The following NEURL1 variants were observed in gnomAD, a reference collection of about 807,000 sequenced individuals.
NEURL1 encodes the protein E3 ubiquitin-protein ligase NEURL1.
A neutral mutation model predicts 41.2 loss-of-function variants in NEURL1; 26 were observed. The observed-to-expected ratio is 0.63, with a 90% CI of 0.46 to 0.87. NEURL1 has a LOEUF of 0.87. NEURL1 is among the 40% of genes least tolerant of loss of function. The pLI, the probability that NEURL1 is intolerant of heterozygous loss-of-function variation, is 0.00. For missense variants in NEURL1, 761 were observed against 871.1 expected (o/e 0.87, Z 1.59); for synonymous variants, 400 against 402.3 (o/e 0.99, Z 0.07).
intron 1 of NEURL1, among the ~76,000 whole-genome samples, chr10:103,537,911 C>T (rs953658539): frequency 3.9e-5 from 6 of 152,076 alleles, no homozygotes; most frequent in African/African-American, 1.4e-4. Flanking sequence ...GCTGCACCCC[C>T]CGCCTCTGCC....
At chr10:103,537,358 T>C (rs1350025459) in intron 1 of NEURL1, among the ~76,000 whole-genome samples, 1 of 152,178 alleles carries the variant, frequency 6.6e-6, no homozygotes, top group Non-Finnish European at 1.5e-5. Flanking sequence ...TCTTAGTTTT[T>C]ATAGAAGTAA....
At chr10:103,560,735 G>T (rs971384211) in intron 1 of NEURL1, among the ~76,000 whole-genome samples, 43 of 152,148 alleles carry the variant, frequency 2.8e-4, no homozygotes, top group Admixed American at 4.6e-4. Flanking sequence ...GCTAGCTGGA[G>T]CCCGTGGAGG....
At chr10:103,533,806 G>A (rs1293385631) in intron 1 of NEURL1, among the ~76,000 whole-genome samples, 8 of 152,132 alleles carry the variant, frequency 5.3e-5, no homozygotes, top group Admixed American at 1.3e-4. Context: ...AAAGTGCTGG[G>A]ATTACAGGCT....
rs376977677 is a variant in NEURL1 at position 103,589,388 on chromosome 10, TCC to T, written c.1340-124_1340-123del. ...ATGATCCCCGCGCCAGCCTGCAAAA[TCC>T]CGCTCTTGGCCCTGTGGCTGGGCTG... is the stretch of plus-strand genomic sequence containing the variant. On this transcript the variant is annotated intron_variant, in intron 4 of 5. Transcript: ENST00000369780. 128 of 1,071,908 alleles carry T rather than the reference TCC, an allele frequency of 1.2e-4. 1 individual carries two copies. The East Asian group carries it at 2.1e-3, about 17-fold the overall frequency. 66.4% of individuals were successfully genotyped at this position (1,071,908 alleles called of 1,614,324 possible).
intron 3 of NEURL1, 148 bp from the exon 4 acceptor site, chr10:103,584,388 C>A: frequency 2.2e-5 from 10 of 445,594 alleles, no homozygotes; most frequent in Non-Finnish European, 2.6e-5. Flanking sequence ...CGTTTCTTGA[C>A]TGTGTTCGCT....
chr10:103,577,907 A>G (rs948965150), intron 3 of NEURL1: 3 of 152,202 alleles, frequency 2.0e-5, no homozygotes, highest in African/African-American at 7.2e-5. Flanking sequence ...ACCATATGTA[A>G]TCACCAGTAT....
chr10:103,586,771 G>A (rs781565461), intron 4 of NEURL1, among the ~76,000 whole-genome samples: 5 of 152,160 alleles, frequency 3.3e-5, no homozygotes, highest in Non-Finnish European at 7.3e-5. Context: ...TGAAAAGCCT[G>A]GGTGCGGTGG....
chr10:103,556,982 A>G lies in NEURL1; in HGVS notation c.86-13890A>G, dbSNP rs2035170596. Among the ~76,000 whole-genome samples, 1 of 152,238 alleles carries G rather than the reference A, an allele frequency of 6.6e-6. No individual in the cohort carries two copies. Among genetic ancestry groups the G allele is most frequent in the South Asian group, 2.1e-4 (1 of 4,836 alleles). ...CTCAGGACATAGTACACTGTCCTCC[A>G]GCTGCCTGGAGCACAGGCTCCCTAG... On this transcript the variant is annotated intron_variant, in intron 1 of 5. Coordinates refer to ENST00000369780, the MANE Select transcript of NEURL1 (RefSeq NM_004210.5). The surrounding 1 kb of genome is among the most constrained non-coding windows in gnomAD (Gnocchi z 4.4).
At chr10:103,549,713 C>T (rs891202544) in intron 1 of NEURL1, among the ~76,000 whole-genome samples, 2 of 152,236 alleles carry the variant, frequency 1.3e-5, no homozygotes, top group Admixed American at 1.3e-4. Flanking sequence ...GCAGGGTCAC[C>T]TCCTCTTCCT....
At chr10:103,522,602 CAAAAAA>C (rs528719693) in intron 1 of NEURL1, among the ~76,000 whole-genome samples, 1 of 106,730 alleles carries the variant, frequency 9.4e-6, no homozygotes, top group Non-Finnish European at 1.9e-5. Flanking sequence ...AACTCCATTT[CAAAAAA>C]AAAAAAAAAA....
intron 1 of NEURL1, chr10:103,494,754 A>T (rs894996152): frequency 4.7e-6 from 2 of 424,552 alleles, no homozygotes; most frequent in Non-Finnish European, 8.3e-6. Context: ...ATGGGAAAGG[A>T]TGTTTGCCAG....
intron 1 of NEURL1, among the ~76,000 whole-genome samples, chr10:103,506,847 C>T (rs897193624): frequency 3.9e-5 from 6 of 152,210 alleles, no homozygotes; most frequent in African/African-American, 7.2e-5. Flanking sequence ...AGGTGTGTGC[C>T]GCTGTGCCCG....
At chr10:103,535,371 G>A (rs2034669633) in intron 1 of NEURL1, among the ~76,000 whole-genome samples, 2 of 152,142 alleles carry the variant, frequency 1.3e-5, no homozygotes, top group South Asian at 4.1e-4. Context: ...ATTTCCCTGG[G>A]ACATGGGGTA....
At chr10:103,509,583 C>T (rs1475706699) in intron 1 of NEURL1, among the ~76,000 whole-genome samples, 4 of 152,170 alleles carry the variant, frequency 2.6e-5, no homozygotes, top group Admixed American at 1.3e-4. Flanking sequence ...TTTTCAGCTC[C>T]GTCATAATCT....
At position 103,590,510 on chromosome 10, in the gene NEURL1, C is replaced by G; in HGVS notation, c.*138C>G. 1.5e-6 allele frequency: 1 copy of G among 681,642 alleles called. No homozygotes were observed. The highest frequency in any genetic ancestry group is 2.5e-6 in the Non-Finnish European group (1 of 400,764). 42.2% of individuals were successfully genotyped at this position (681,642 alleles called of 1,614,324 possible). A position where few individuals can be genotyped will look rare whatever the true frequency, so the allele number is the denominator to read the frequency against. ...CTCTATTAAACATGGGAAACTGAAGCCCTTGAAGGTTTGGGGAGAGGGGGG... is the reference window on the plus strand; with the variant it reads ...CTCTATTAAACATGGGAAACTGAAGGCCTTGAAGGTTTGGGGAGAGGGGGG... On this transcript the variant is annotated 3_prime_UTR_variant, in exon 6 of 6. Coordinates refer to ENST00000369780, the MANE Select transcript of NEURL1 (RefSeq NM_004210.5).
chr10:103,576,949 G>T (rs952519007), intron 3 of NEURL1, among the ~76,000 whole-genome samples: 1 of 152,112 alleles, frequency 6.6e-6, no homozygotes, highest in Non-Finnish European at 1.5e-5. Context: ...GCTTGGAGGT[G>T]CTGAGCATGA....
At chr10:103,522,125 A>G (rs1049954310) in intron 1 of NEURL1, among the ~76,000 whole-genome samples, 4 of 152,156 alleles carry the variant, frequency 2.6e-5, no homozygotes, top group Non-Finnish European at 4.4e-5. Flanking sequence ...ACAAATCACA[A>G]TGGTGGAATG....
At chr10:103,522,602 CAA>C (rs528719693) in intron 1 of NEURL1, among the ~76,000 whole-genome samples, 32,025 of 106,962 alleles carry the variant, frequency 0.3, 3,389 homozygotes, top group African/African-American at 0.33. Flanking sequence ...AACTCCATTT[CAA>C]AAAAAAAAAA....
At chr10:103,503,586 C>T (rs1002917817) in intron 1 of NEURL1, among the ~76,000 whole-genome samples, 5 of 152,050 alleles carry the variant, frequency 3.3e-5, no homozygotes, top group Admixed American at 3.3e-4. Flanking sequence ...TAAGCATCAG[C>T]TGAGGGCCAT....
Sources: allele counts gnomAD v4.1 joint callset (sites outside exome capture counted in the v4.1 genomes callset), GRCh38; gene constraint gnomAD v4.1.1; non-coding constraint Gnocchi (gnomAD v3.1); transcripts MANE v1.5; gene names NCBI Gene and HGNC (gene_info 2026-07-23, HGNC 2026-07-21).